STIM2: variants seen among roughly 807,000 people sequenced by gnomAD.
STIM2 encodes the protein stromal interaction molecule 2.
A neutral mutation model predicts 85.8 loss-of-function variants in STIM2; 31 were observed. That is an observed-to-expected ratio of 0.36 (90% CI 0.27 to 0.49). The LOEUF is 0.49. Among genes scored for constraint, STIM2 ranks in the 20% least tolerant of loss-of-function variants. STIM2 has a pLI of 0.98. For synonymous variants in STIM2, 356 were observed against 331.1 expected, an observed-to-expected ratio of 1.08 and a Z score of -0.82; for missense variants, 841 against 927.6, an observed-to-expected ratio of 0.91 and a Z score of 1.21.
intron 11 of STIM2, chr4:27,020,897 T>C: frequency 9.7e-7 from 1 of 1,029,808 alleles, no homozygotes; most frequent in Admixed American, 2.1e-5. Context: ...GCCTTTCTGT[T>C]CTGCCTTCAG....
intron 1 of STIM2, among the ~76,000 whole-genome samples, chr4:26,868,320 A>G (rs1402676331): frequency 1.3e-5 from 2 of 152,074 alleles, no homozygotes; most frequent in African/African-American, 4.8e-5. Flanking sequence ...GTGCTTATGG[A>G]TCTTGACCTC....
intron 1 of STIM2, among the ~76,000 whole-genome samples, chr4:26,914,301 G>T (rs944921285): frequency 6.6e-6 from 1 of 152,068 alleles, no homozygotes; most frequent in Non-Finnish European, 1.5e-5. Flanking sequence ...TAAATACAAG[G>T]ATGCTCCATA....
intron 1 of STIM2, among the ~76,000 whole-genome samples, chr4:26,884,770 C>CAG (rs1723151723): frequency 6.6e-6 from 1 of 152,160 alleles, no homozygotes; most frequent in East Asian, 1.9e-4. Context: ...GTTCTGAATG[C>CAG]TTCACATGAA....
intron 11 of STIM2, chr4:27,021,116 C>G: frequency 1.4e-6 from 2 of 1,458,732 alleles, no homozygotes; most frequent in Non-Finnish European, 1.9e-6. Flanking sequence ...TCTGTTCATT[C>G]ATTCATTCAC....
chr4:26,886,318 G>T (rs910377915), intron 1 of STIM2, among the ~76,000 whole-genome samples: 1 of 152,040 alleles, frequency 6.6e-6, no homozygotes, highest in Non-Finnish European at 1.5e-5. Flanking sequence ...ATTGTTGTAG[G>T]TATTGGAGCA....
intron 1 of STIM2, among the ~76,000 whole-genome samples, chr4:26,867,965 A>T (rs1476698862): frequency 1.3e-5 from 2 of 152,162 alleles, no homozygotes; most frequent in Admixed American, 1.3e-4. Context: ...CCCCAGGCCA[A>T]TGATTGATTT....
intron 2 of STIM2, among the ~76,000 whole-genome samples, chr4:26,953,366 G>A (rs545297852): frequency 6.0e-4 from 91 of 152,186 alleles, no homozygotes; most frequent in African/African-American, 2.1e-3. Context: ...CATATACTAT[G>A]TATGCCTTTT....
chr4:26,877,033 G>T (rs921863193), intron 1 of STIM2, among the ~76,000 whole-genome samples: 1 of 151,932 alleles, frequency 6.6e-6, no homozygotes, highest in African/African-American at 2.4e-5. Flanking sequence ...TTTGGATCTT[G>T]GTTGTCTTTT....
At chr4:26,903,090 G>A (rs943770813) in intron 1 of STIM2, among the ~76,000 whole-genome samples, 1 of 152,068 alleles carries the variant, frequency 6.6e-6, no homozygotes, top group Non-Finnish European at 1.5e-5. Flanking sequence ...TGGAACTAGT[G>A]AGAGTTCTAC....
chr4:26,877,070 A>G (rs911625070), intron 1 of STIM2, among the ~76,000 whole-genome samples: 7 of 152,230 alleles, frequency 4.6e-5, no homozygotes, highest in Non-Finnish European at 1.0e-4. Flanking sequence ...CTTGGCTATT[A>G]TCTTTTCAGA....
chr4:26,990,463 G>T (rs1727728880), intron 3 of STIM2, among the ~76,000 whole-genome samples: 1 of 152,074 alleles, frequency 6.6e-6, no homozygotes, highest in African/African-American at 2.4e-5. Flanking sequence ...ATTGATTAAA[G>T]ACTTAAATGT....
intron 3 of STIM2, among the ~76,000 whole-genome samples, chr4:26,993,693 A>C (rs977725535): frequency 6.6e-6 from 1 of 152,158 alleles, no homozygotes; most frequent in Admixed American, 6.6e-5. Context: ...TTGTAAGCAC[A>C]CTTACATCCT....
chr4:27,022,523 G>A lies in STIM2; in HGVS notation c.1768G>A (p.Val590Met). ...CTTTGTTTGTGTTTCATTCAGGGAA[G>A]TGCCAGACACAGCTTCAGAATGTGA... is the stretch of plus-strand genomic sequence containing the variant. Residue 590 changes from valine (V) to methionine (M), a missense_variant, in exon 12 of 12, where the codon GTG becomes ATG. By Grantham distance (21) the Val-to-Met change is conservative. Transcript: ENST00000467087. The A allele has an allele frequency of 6.3e-7, 1 of 1,586,636 alleles. No homozygotes were observed. Among genetic ancestry groups the A allele is most frequent in the Non-Finnish European group, 8.6e-7 (1 of 1,161,200 alleles).
chr4:27,010,531 C>T (rs1177029483), intron 10 of STIM2, among the ~76,000 whole-genome samples: 4 of 152,134 alleles, frequency 2.6e-5, no homozygotes, highest in Non-Finnish European at 4.4e-5. Flanking sequence ...AGAGCTCTGC[C>T]TCCACCCAGT....
At chr4:26,970,223 G>T (rs71618564) in intron 3 of STIM2, among the ~76,000 whole-genome samples, 1 of 13,618 alleles carries the variant, frequency 7.3e-5, no homozygotes, top group African/African-American at 1.5e-4. Flanking sequence ...ATATATATAT[G>T]TATATATATA....
rs114868972 is a variant in STIM2, at chr4:26,936,556, G to A, written c.282+16922G>A. Among the ~76,000 whole-genome samples, 577 of 152,308 alleles carry A rather than the reference G, an allele frequency of 3.8e-3. 8 individuals carry two copies. The highest frequency in any genetic ancestry group is 0.013 in the African/African-American group (550 of 41,554). On this transcript the variant is annotated intron_variant, in intron 2 of 11. Transcript: ENST00000467087. ...ATAGGCCATTTGAGAAACACCATTG[G>A]TTGTATATAGTTCAGTTATATACAG...
At chr4:27,007,001 A>G (rs1051101034) in intron 7 of STIM2, among the ~76,000 whole-genome samples, 4 of 152,204 alleles carry the variant, frequency 2.6e-5, no homozygotes, top group African/African-American at 9.6e-5. Context: ...GAAAAATACA[A>G]TTTTTAAAAA....
At chr4:26,961,249 G>A (rs903425706) in intron 3 of STIM2, among the ~76,000 whole-genome samples, 5 of 152,140 alleles carry the variant, frequency 3.3e-5, no homozygotes, top group African/African-American at 9.7e-5. Context: ...GCCAAATTGA[G>A]CAAAGATAAA....
chr4:26,948,825 T>C (rs1435632677), intron 2 of STIM2, among the ~76,000 whole-genome samples: 2 of 152,154 alleles, frequency 1.3e-5, no homozygotes, highest in Non-Finnish European at 2.9e-5. Flanking sequence ...GCAGTGACCA[T>C]TAGTAGTCTT....
Sources: allele counts gnomAD v4.1 joint callset (sites outside exome capture counted in the v4.1 genomes callset), GRCh38; gene constraint gnomAD v4.1.1; transcripts MANE v1.5; gene names NCBI Gene and HGNC (gene_info 2026-07-23, HGNC 2026-07-21).